The following SLC12A3 variants were observed in gnomAD, a reference collection of about 807,000 sequenced individuals.
SLC12A3 encodes the protein solute carrier family 12 member 3.
In SLC12A3, 104 loss-of-function variants were observed where a neutral mutation model predicts 121.0. The ratio of observed to expected loss-of-function variants is 0.86; its 90% CI spans 0.73 to 1.01. SLC12A3 has a LOEUF of 1.01. Among genes scored for constraint, SLC12A3 ranks in the 50% least tolerant of loss-of-function variants. The pLI is 0.00. For missense variants in SLC12A3, 1,328 were observed against 1,356.3 expected (o/e 0.98, Z 0.33); for synonymous variants, 536 against 533.4 (o/e 1.00, Z -0.07).
intron 16 of SLC12A3, 130 bp downstream of exon 16, chr16:56,886,605 C>G: frequency 1.2e-6 from 1 of 830,272 alleles, no homozygotes; most frequent in African/African-American, 1.7e-5. Flanking sequence ...GCCAACACAG[C>G]TCCTGGGGGA....
chr16:56,894,648 T>C lies in SLC12A3; in HGVS notation c.2633+6T>C. The C allele has an allele frequency of 6.2e-7, 1 of 1,607,692 alleles. No individual in the cohort carries two copies. The highest frequency in any genetic ancestry group is 8.5e-7 in the Non-Finnish European group (1 of 1,174,380). ...ATGGACCAGGAGAGAAAGGCGTAAG[T>C]GTGGAGGGCTGGCCTGGGGGTGACT... On this transcript the variant is annotated splice_donor_region_variant and intron_variant, in intron 22 of 25. Transcript: ENST00000563236.
At chr16:56,879,764 G>A in intron 11 of SLC12A3, 115 bp downstream of exon 11, 1 of 782,534 alleles carries the variant, frequency 1.3e-6, no homozygotes, top group Non-Finnish European at 2.2e-6. Flanking sequence ...ATTAGACTGG[G>A]GTCTCTAGCC....
rs1169028528 is a variant in SLC12A3, at chr16:56,870,087, C to T, written c.602-9C>T. 1.9e-5 allele frequency: 31 copies of T among 1,612,262 alleles called. No homozygotes were observed. The highest frequency in any genetic ancestry group is 2.4e-5 in the Non-Finnish European group (28 of 1,180,038). On this transcript the variant is annotated splice_polypyrimidine_tract_variant and intron_variant, in intron 4 of 25. Coordinates refer to ENST00000563236, the MANE Select transcript of SLC12A3 (RefSeq NM_001126108.2). ...TCTGGTTTCATGGTTCCCGGCTCTG[C>T]CCTGATAGGTGGCACCTACTTCCTC...
intron 18 of SLC12A3, among the ~76,000 whole-genome samples, chr16:56,889,649 C>T (rs1020455362): frequency 5.3e-5 from 8 of 152,052 alleles, no homozygotes; most frequent in South Asian, 2.1e-4. Context: ...AATTTTTGTA[C>T]GTTTTAGTAG....
intron 4 of SLC12A3, 32 bp downstream of exon 4, chr16:56,869,856 C>G (rs1378834396): frequency 1.9e-6 from 3 of 1,565,428 alleles, no homozygotes; most frequent in Non-Finnish European, 2.6e-6. Context: ...CAAGGCCCTC[C>G]TCTCGTGGGC....
intron 25 of SLC12A3, among the ~76,000 whole-genome samples, chr16:56,912,682 C>G (rs711748): frequency 0.58 from 88,379 of 152,056 alleles, 26,237 homozygotes; most frequent in African/African-American, 0.68. Context: ...GATCTGGCCT[C>G]CTTGTGAGCG....
intron 25 of SLC12A3, among the ~76,000 whole-genome samples, chr16:56,910,428 C>T (rs7499318): frequency 0.041 from 6,198 of 152,184 alleles, 426 homozygotes; most frequent in African/African-American, 0.14. Flanking sequence ...CCCCACCTCC[C>T]GGGACTCAAA....
At chr16:56,892,199 T>C in intron 20 of SLC12A3, 66 bp downstream of exon 20, 2 of 1,517,290 alleles carry the variant, frequency 1.3e-6, no homozygotes, top group Non-Finnish European at 1.8e-6. Context: ...ACTCTAGCCC[T>C]GTGGGGTGGC....
At chr16:56,891,634 C>G (rs1458071579) in intron 19 of SLC12A3, among the ~76,000 whole-genome samples, 2 of 152,198 alleles carry the variant, frequency 1.3e-5, no homozygotes, top group Admixed American at 1.3e-4. Flanking sequence ...AGCCAAAAAG[C>G]CTCTGCTCTT....
rs574410112 is a variant in SLC12A3, at chr16:56,911,499, A to G, written c.2925-1765A>G. Among the ~76,000 whole-genome samples, 6 of 151,806 alleles carry G rather than the reference A, an allele frequency of 4.0e-5. No homozygotes were observed. In the South Asian group the frequency reaches 1.3e-3, roughly 32 times the overall value. Reference sequence around the variant, plus strand: ...GCCATCATGCCCAGCTAATTTTTCTATTTTTTGTAAAGACAGGGTCTCACC... The same window carrying G: ...GCCATCATGCCCAGCTAATTTTTCTGTTTTTTGTAAAGACAGGGTCTCACC... On this transcript the variant is annotated intron_variant, in intron 25 of 25. Transcript: ENST00000563236.
Position 56,890,298 on chromosome 16 carries a change from C to T in SLC12A3, c.2310C>T (p.Gly770=), listed in dbSNP as rs375542454. ...GTGATGCCTTTGATTTCAACTATGG[C>T]GTGTGTGTCATGAGGATGCGGGAGG... ...ILHDAFDFNY[G]VCVMRMREGL... is the part of the protein sequence containing the mutation. Residue 770 remains glycine, a synonymous_variant, in exon 19 of 26, where the codon GGC becomes GGT. Coordinates refer to ENST00000563236, the MANE Select transcript of SLC12A3 (RefSeq NM_001126108.2). The T allele has an allele frequency of 3.1e-4, 498 of 1,613,884 alleles. No homozygotes were observed. Among genetic ancestry groups the T allele is most frequent in the Admixed American group, 4.2e-4 (25 of 59,984 alleles).
chr16:56,865,835 C>G lies in SLC12A3; in HGVS notation c.282+318C>G, dbSNP rs138855168. On this transcript the variant is annotated intron_variant, in intron 1 of 25. Transcript: ENST00000563236. ...GCAAGAAGGGCCTGGGAAGGTTCAC[C>G]TCAGAGAGAGGGCTCGCCGGGTTTG... is the stretch of plus-strand genomic sequence containing the variant. 3.9e-5 allele frequency among the ~76,000 whole-genome samples: 6 copies of G among 152,326 alleles called. No individual in the cohort carries two copies. The East Asian group carries it at 1.2e-3, about 29-fold the overall frequency.
chr16:56,894,899 G>C (rs2055441614), intron 22 of SLC12A3, among the ~76,000 whole-genome samples: 1 of 152,012 alleles, frequency 6.6e-6, no homozygotes, highest in Non-Finnish European at 1.5e-5. Flanking sequence ...CTACGACAGG[G>C]AGGGGAGTTA....
At chr16:56,904,290 T>C in intron 24 of SLC12A3, 105 bp from the exon 25 acceptor site, 5 of 1,070,640 alleles carry the variant, frequency 4.7e-6, no homozygotes, top group Non-Finnish European at 7.3e-6. Context: ...AGTCTACAAG[T>C]AAATCATGAA....
chr16:56,886,394 C>T lies in SLC12A3; in HGVS notation c.1956C>T (p.Pro652=), dbSNP rs200091201. The part of the protein sequence containing the change: ...RPQCLVLTGP[P]NFRPALVDFV... Reference sequence around the variant, plus strand: ...AGTGCCTGGTGCTCACGGGGCCCCCCAACTTCCGCCCGGCCCTGGTGGACT... The same window carrying T: ...AGTGCCTGGTGCTCACGGGGCCCCCTAACTTCCGCCCGGCCCTGGTGGACT... The change falls in exon 16 of 26, where the codon CCC becomes CCT. Residue 652 remains proline (P), a synonymous_variant. Transcript: ENST00000563236. The T allele has an allele frequency of 6.2e-7, 1 of 1,614,136 alleles. No individual in the cohort carries two copies. The highest frequency in any genetic ancestry group is 1.1e-5 in the South Asian group (1 of 91,084).
intron 22 of SLC12A3, among the ~76,000 whole-genome samples, chr16:56,895,191 A>ATTTTT: frequency 1.8e-5 from 2 of 111,934 alleles, no homozygotes; most frequent in Non-Finnish European, 3.5e-5. Context: ...TATATATTTT[A>ATTTTT]ATTTTTTTTT....
At chr16:56,892,510 G>C (rs1251002123) in intron 20 of SLC12A3, among the ~76,000 whole-genome samples, 1 of 152,136 alleles carries the variant, frequency 6.6e-6, no homozygotes, top group Non-Finnish European at 1.5e-5. Flanking sequence ...CGGCATCATG[G>C]GGACCCACCT....
chr16:56,907,002 G>A (rs566691713), intron 25 of SLC12A3: 20 of 223,024 alleles, frequency 9.0e-5, no homozygotes, highest in African/African-American at 3.9e-4. Context: ...TTTTTTACAA[G>A]AAGATTAATA....
At position 56,886,384 on chromosome 16, in the gene SLC12A3, C is replaced by G; in HGVS notation, c.1946C>G (p.Thr649Arg). ...CTCAGCCCCCAGTGCCTGGTGCTCA[C>G]GGGGCCCCCCAACTTCCGCCCGGCC... ...KNYRPQCLVLTGPPNFRPALV... is the reference protein window; with the variant it reads ...KNYRPQCLVLRGPPNFRPALV... The change falls in exon 16 of 26, where the codon ACG (threonine) becomes AGG (arginine). Residue 649 changes from threonine to arginine, a missense_variant. Physicochemically the swap from Thr to Arg is moderately conservative, Grantham distance 71. Coordinates refer to ENST00000563236, the MANE Select transcript of SLC12A3 (RefSeq NM_001126108.2). The G allele has an allele frequency of 6.2e-7, 1 of 1,614,016 alleles. No homozygotes were observed. The highest frequency in any genetic ancestry group is 8.5e-7 in the Non-Finnish European group (1 of 1,179,956).
Sources: gnomAD v4.1 joint callset for allele counts (sites outside exome capture counted in the v4.1 genomes callset) on GRCh38, gnomAD v4.1.1 for gene constraint, MANE v1.5 for transcripts, NCBI Gene and HGNC (gene_info 2026-07-23, HGNC 2026-07-21) for gene names.